The following PRSS57 variants were observed in gnomAD, a reference collection of about 807,000 sequenced individuals.
PRSS57 encodes serine protease 57.
PRSS57 carries 19 observed loss-of-function variants against 20.6 expected under a neutral mutation model. The ratio of observed to expected loss-of-function variants is 0.92; its 90% CI spans 0.64 to 1.35. PRSS57 has a LOEUF of 1.35. Ranked by LOEUF, PRSS57 falls within the 40% of genes most tolerant of loss-of-function variation. The probability of loss-of-function intolerance (pLI) is 0.00; values close to 1 mark genes in which losing one functional copy is unlikely to be tolerated. For missense variants in PRSS57, 440 were observed against 403.7 expected, an observed-to-expected ratio of 1.09 and a Z score of -0.77; for synonymous variants, 203 against 176.6, an observed-to-expected ratio of 1.15 and a Z score of -1.19.
intron 3 of PRSS57, among the ~76,000 whole-genome samples, chr19:691,541 C>A (rs1008033271): frequency 6.6e-6 from 1 of 150,672 alleles, no homozygotes; most frequent in South Asian, 2.1e-4. Flanking sequence ...AAAAGTAGGC[C>A]GGGCTCGGTG....
In PRSS57 at chr19:692,055, C is replaced by A. The variant is rs550680519; in HGVS notation, c.234-53G>T. On this transcript the variant is annotated intron_variant, in intron 2 of 4. Coordinates refer to ENST00000329267, the MANE Select transcript of PRSS57 (RefSeq NM_001308209.2). Reference sequence around the variant, plus strand: ...GGGGGTGAGGGCTGCCCGTCCTGGGCCTCGGTCCACTCATCTATGAAACGG... The same window carrying A: ...GGGGGTGAGGGCTGCCCGTCCTGGGACTCGGTCCACTCATCTATGAAACGG... 4 of 1,261,320 alleles carry A rather than the reference C, an allele frequency of 3.2e-6. No homozygotes were observed. In the East Asian group the frequency reaches 1.2e-4, roughly 38 times the overall value. The allele number at this position is 1,261,320 out of a possible 1,614,324, so 78.1% of individuals were successfully genotyped here. A position where few individuals can be genotyped will look rare whatever the true frequency, so the allele number is the denominator to read the frequency against.
chr19:692,546 A>T (rs1206453372), intron 2 of PRSS57, among the ~76,000 whole-genome samples: 2 of 150,266 alleles, frequency 1.3e-5, no homozygotes, highest in Non-Finnish European at 3.0e-5. Context: ...CCCTCCAAGC[A>T]GCTAAGACTA....
At chr19:687,831 C>T (rs2031521717) in intron 3 of PRSS57, among the ~76,000 whole-genome samples, 1 of 152,176 alleles carries the variant, frequency 6.6e-6, no homozygotes, top group African/African-American at 2.4e-5. Flanking sequence ...CCTCAGCCTC[C>T]CCTTTGGCCA....
intron 2 of PRSS57, among the ~76,000 whole-genome samples, chr19:692,466 C>G (rs1321600868): frequency 6.9e-6 from 1 of 144,560 alleles, no homozygotes. Context: ...ACTCTGTCCC[C>G]TAGGCTAGAG....
chr19:694,387 G>C (rs996753380), intron 2 of PRSS57, among the ~76,000 whole-genome samples: 1 of 151,902 alleles, frequency 6.6e-6, no homozygotes, highest in African/African-American at 2.4e-5. Context: ...GGCCAACATG[G>C]TGAAATCCAG....
At position 685,793 on chromosome 19, in the gene PRSS57, A is replaced by G. The variant is rs1270017054; in HGVS notation, c.772T>C (p.Trp258Arg). The change falls in exon 5 of 5, where the codon TGG (tryptophan) becomes CGG (arginine). Residue 258 changes from tryptophan (W) to arginine (R), a missense_variant. Coordinates refer to ENST00000329267, the MANE Select transcript of PRSS57 (RefSeq NM_001308209.2). The stretch of plus-strand genomic sequence containing the variant: ...GGACTGCTCCGCCGAACCACGTCCC[A>G]GATCCAGGCCACAAAGGCGGACACC... ...TQVSAFVAWIWDVVRRSSPQP... is the reference protein window; with the variant it reads ...TQVSAFVAWIRDVVRRSSPQP... 1 of 1,566,844 alleles carries G rather than the reference A, an allele frequency of 6.4e-7. No individual in the cohort carries two copies.
Position 685,621 on chromosome 19 carries a change from C to A in PRSS57, c.*95G>T. The A allele has an allele frequency of 7.8e-7, 1 of 1,290,216 alleles. No individual in the cohort carries two copies. The highest frequency in any genetic ancestry group is 1.5e-5 in the South Asian group (1 of 68,058). 79.9% of individuals were successfully genotyped at this position (1,290,216 alleles called of 1,614,324 possible). On this transcript the variant is annotated 3_prime_UTR_variant, in exon 5 of 5. Transcript: ENST00000329267. ...GTGTGCCCCACCGCTGCCCGTCCCA[C>A]CCCAACCCTGAACATCAGGCTTCCC... is the stretch of plus-strand genomic sequence containing the variant.
In PRSS57 at chr19:688,402, G is replaced by T. The variant is rs1183114325; in HGVS notation, c.379-1214C>A. Among the ~76,000 whole-genome samples the T allele has an allele frequency of 8.1e-5, 12 of 148,748 alleles. No homozygotes were observed. In the South Asian group the frequency reaches 2.6e-3, roughly 32 times the overall value. ...GTTGTCCAGGCTGGAATGCAGTGGC[G>T]CAATCTCGGCTCACGGCAACCTCCG... On this transcript the variant is annotated intron_variant, in intron 3 of 4. Coordinates refer to ENST00000329267, the MANE Select transcript of PRSS57 (RefSeq NM_001308209.2).
chr19:689,786 G>T (rs2031586427), intron 3 of PRSS57, among the ~76,000 whole-genome samples: 1 of 152,174 alleles, frequency 6.6e-6, no homozygotes, highest in Admixed American at 6.5e-5. Context: ...TGGCGCAGTG[G>T]TACACGCCCG....
At chr19:689,736 T>C (rs2031584389) in intron 3 of PRSS57, among the ~76,000 whole-genome samples, 1 of 151,944 alleles carries the variant, frequency 6.6e-6, no homozygotes. Flanking sequence ...CTGGGCAACA[T>C]GGTGAAACCC....
In PRSS57 at chr19:695,352, C is replaced by CG; in HGVS notation, c.78dup (p.Gly27ArgfsTer140). On this transcript the variant is annotated frameshift_variant and splice_region_variant, in exon 1 of 5. Transcript: ENST00000329267. LOFTEE classifies it high-confidence loss of function. ...GTGGGGATCCCGGGGGGCTCCTCAC[C>CG]GGGGGGCTTCACGGGCAGCATCAGG... 1.6e-6 allele frequency: 2 copies of CG among 1,269,622 alleles called. No individual in the cohort carries two copies. Among genetic ancestry groups the CG allele is most frequent in the Non-Finnish European group, 2.0e-6 (2 of 1,003,526 alleles). The allele number at this position is 1,269,622 out of a possible 1,614,324, so 78.6% of individuals were successfully genotyped here.
At chr19:691,057 C>A in intron 3 of PRSS57, 2 of 281,510 alleles carry the variant, frequency 7.1e-6, no homozygotes, top group South Asian at 4.8e-5. Flanking sequence ...CTACAGCTGC[C>A]TGACCCCTGA....
At chr19:693,729 T>G (rs1312567793) in intron 2 of PRSS57, among the ~76,000 whole-genome samples, 1 of 151,152 alleles carries the variant, frequency 6.6e-6, no homozygotes, top group East Asian at 2.0e-4. Flanking sequence ...CTTGCTACCA[T>G]GCCCAACTAA....
chr19:695,337 C>CG lies in PRSS57; in HGVS notation c.79+14dup. 2 of 1,242,792 alleles carry CG rather than the reference C, an allele frequency of 1.6e-6. No homozygotes were observed. Among genetic ancestry groups the CG allele is most frequent in the Non-Finnish European group, 2.0e-6 (2 of 984,876 alleles). The allele number at this position is 1,242,792 out of a possible 1,614,324, so 77.0% of individuals were successfully genotyped here. A position where few individuals can be genotyped will look rare whatever the true frequency, so the allele number is the denominator to read the frequency against. The stretch of plus-strand genomic sequence containing the variant: ...TTGGCGGGGGCCTGGGTGGGGATCC[C>CG]GGGGGGCTCCTCACCGGGGGGCTTC... On this transcript the variant is annotated intron_variant, in intron 1 of 4. Coordinates refer to ENST00000329267, the MANE Select transcript of PRSS57 (RefSeq NM_001308209.2).
Position 694,177 on chromosome 19 carries a change from C to A in PRSS57, c.233+637G>T, listed in dbSNP as rs138945628. ...GCGGGGGAGCTGGGGACACTGCAGC[C>A]CAGGACCAACCTATCCCGTGCCTGG... On this transcript the variant is annotated intron_variant, in intron 2 of 4. Transcript: ENST00000329267. Among the ~76,000 whole-genome samples the A allele has an allele frequency of 6.0e-3, 898 of 148,896 alleles. 3 individuals are homozygous for A. The highest frequency in any genetic ancestry group is 0.01 in the Non-Finnish European group (689 of 67,962).
chr19:691,995 G>T lies in PRSS57; in HGVS notation c.241C>A (p.Arg81Ser). ...GCGCCCAGCACCACCAGGCCAGTGC[G>T]GAGGTCTCTGCAGGGAGGAGGTGGT... ...AAHCFSHRDL[R>S]TGLVVLGAHV... The change falls in exon 3 of 5, where the codon CGC becomes AGC. Residue 81 changes from arginine to serine, a missense_variant. Physicochemically the swap from Arg to Ser is moderately radical, Grantham distance 110 (BLOSUM62 -1). Transcript: ENST00000329267. 4.5e-6 allele frequency: 6 copies of T among 1,321,140 alleles called. No homozygotes were observed. The highest frequency in any genetic ancestry group is 5.8e-6 in the Non-Finnish European group (6 of 1,026,496). 81.8% of individuals were successfully genotyped at this position (1,321,140 alleles called of 1,614,324 possible).
intron 3 of PRSS57, chr19:690,905 G>A (rs912233624): frequency 5.2e-5 from 22 of 426,618 alleles, no homozygotes; most frequent in African/African-American, 2.7e-4. Context: ...CCCCGTGTCC[G>A]GGGCGCTGGC....
At chr19:691,818 C>T in intron 3 of PRSS57, 40 bp downstream of exon 3, 1 of 1,320,178 alleles carries the variant, frequency 7.6e-7, no homozygotes, top group South Asian at 2.8e-5. Flanking sequence ...GAGACTGTCT[C>T]AAAAACTAAA....
In PRSS57 at chr19:694,769, C is replaced by T. The variant is rs543555335; in HGVS notation, c.233+45G>A. The T allele has an allele frequency of 1.2e-5, 19 of 1,560,382 alleles. 1 individual carries two copies. Among genetic ancestry groups the T allele is most frequent in the Middle Eastern group, 3.6e-4 (2 of 5,588 alleles). On this transcript the variant is annotated intron_variant, in intron 2 of 4. Coordinates refer to ENST00000329267, the MANE Select transcript of PRSS57 (RefSeq NM_001308209.2). ...CACCAGCCTGGAGTCCCCCTCATGT[C>T]GGGATACGGTGTCCAGAAAGAAGGG... is the stretch of plus-strand genomic sequence containing the variant.
Sources: gnomAD v4.1 joint callset for allele counts (sites outside exome capture counted in the v4.1 genomes callset) on GRCh38, gnomAD v4.1.1 for gene constraint, MANE v1.5 for transcripts, NCBI Gene and HGNC (gene_info 2026-07-23, HGNC 2026-07-21) for gene names.